Variants in RAD52 observed in about 807,000 individuals in gnomAD.
The protein encoded by RAD52 is DNA repair protein RAD52 homolog.
In RAD52, 47 loss-of-function variants were observed where a neutral mutation model predicts 55.5. The ratio of observed to expected loss-of-function variants is 0.85; its 90% CI spans 0.67 to 1.08. RAD52 has a LOEUF of 1.08. Among genes scored for constraint, RAD52 ranks in the 50% least tolerant of loss-of-function variants. The pLI is 0.00. For missense variants in RAD52, 468 were observed against 522.8 expected (o/e 0.90, Z 1.02); for synonymous variants, 184 against 198.9 (o/e 0.92, Z 0.63).
chr12:970,924 G>A (rs1425179074), intron 1 of RAD52, among the ~76,000 whole-genome samples: 1 of 147,026 alleles, frequency 6.8e-6, no homozygotes, highest in Non-Finnish European at 1.5e-5. Context: ...CGTAGAGAGA[G>A]AGAGACAGGA....
chr12:943,991 G>A (rs1044973023), intron 1 of RAD52, among the ~76,000 whole-genome samples: 2 of 151,812 alleles, frequency 1.3e-5, no homozygotes, highest in African/African-American at 2.4e-5. Flanking sequence ...TGAGGCAGGC[G>A]GATTGCATGA....
At chr12:921,822 T>C (rs1956742162) in intron 7 of RAD52, among the ~76,000 whole-genome samples, 1 of 152,052 alleles carries the variant, frequency 6.6e-6, no homozygotes, top group Admixed American at 6.6e-5. Flanking sequence ...GAAAATATGG[T>C]TGGCTGGGTG....
intron 1 of RAD52, among the ~76,000 whole-genome samples, chr12:965,154 A>G (rs146158338): frequency 6.6e-6 from 1 of 151,568 alleles, no homozygotes; most frequent in African/African-American, 2.4e-5. Context: ...TAATTTTTGT[A>G]TTTTTAGTAG....
chr12:913,545 T>C (rs929932355), intron 11 of RAD52, 93 bp from the exon 12 acceptor site: 115 of 1,022,490 alleles, frequency 1.1e-4, no homozygotes, highest in Middle Eastern at 2.2e-4. Context: ...GATCCTAATT[T>C]AGACTAAGCC....
chr12:971,027 T>C (rs1317006828), intron 1 of RAD52, among the ~76,000 whole-genome samples: 1 of 152,146 alleles, frequency 6.6e-6, no homozygotes, highest in African/African-American at 2.4e-5. Flanking sequence ...TATGTCACCA[T>C]TTTTTTCCAT....
intron 1 of RAD52, among the ~76,000 whole-genome samples, chr12:980,968 T>A (rs76022685): frequency 0.029 from 4,381 of 152,160 alleles, 91 homozygotes; most frequent in South Asian, 0.089. Flanking sequence ...TTTATCCTGA[T>A]CCCAACAGCC....
Position 914,556 on chromosome 12 carries a change from G to C in RAD52, c.866-24C>G, listed in dbSNP as rs1592306364. The C allele has an allele frequency of 5.6e-6, 9 of 1,611,942 alleles. No homozygotes were observed. The East Asian group carries it at 2.0e-4, about 36-fold the overall frequency. On this transcript the variant is annotated intron_variant, in intron 9 of 11. Coordinates refer to ENST00000358495, the MANE Select transcript of RAD52 (RefSeq NM_134424.4). ...TGCTACGGTTCACAGAGGAGAGAAA[G>C]GACAAGTCATCATCACATCACTGCA...
At chr12:970,157 A>G (rs911526558) in intron 1 of RAD52, among the ~76,000 whole-genome samples, 2 of 151,922 alleles carry the variant, frequency 1.3e-5, no homozygotes, top group East Asian at 1.9e-4. Context: ...AAATACAAAA[A>G]TTAGCCGGGT....
At position 934,404 on chromosome 12, in the gene RAD52, A is replaced by G. The variant is rs201900790; in HGVS notation, c.-18-1328T>C. 3.1e-4 allele frequency among the ~76,000 whole-genome samples: 47 copies of G among 149,356 alleles called. No homozygotes were observed. The East Asian group carries it at 7.1e-3, about 23-fold the overall frequency. On this transcript the variant is annotated intron_variant, in intron 1 of 11. Transcript: ENST00000358495. ...CTTGAACCTGGGAGGCAGAGGTTGC[A>G]GTGAGCTGAGATTGTGCCACGGCAC...
At chr12:980,920 A>T (rs1186470871) in intron 1 of RAD52, among the ~76,000 whole-genome samples, 1 of 151,790 alleles carries the variant, frequency 6.6e-6, no homozygotes, top group Non-Finnish European at 1.5e-5. Flanking sequence ...TGTCCTCTGG[A>T]CCCCCAAAGT....
At chr12:931,132 A>T in intron 3 of RAD52, 88 bp downstream of exon 3, 1 of 1,089,316 alleles carries the variant, frequency 9.2e-7, no homozygotes, top group Non-Finnish European at 1.4e-6. Flanking sequence ...CAGACTTCCG[A>T]ATCCCTGAGG....
At position 914,541 on chromosome 12, in the gene RAD52, C is replaced by T. The variant is rs764896241; in HGVS notation, c.866-9G>A. On this transcript the variant is annotated splice_polypyrimidine_tract_variant and intron_variant, in intron 9 of 11. Coordinates refer to ENST00000358495, the MANE Select transcript of RAD52 (RefSeq NM_134424.4). Reference sequence around the variant, plus strand: ...AGGGGCCGGAGGCGCTGCTACGGTTCACAGAGGAGAGAAAGGACAAGTCAT... The same window carrying T: ...AGGGGCCGGAGGCGCTGCTACGGTTTACAGAGGAGAGAAAGGACAAGTCAT... 2 of 1,612,932 alleles carry T rather than the reference C, an allele frequency of 1.2e-6. No individual in the cohort carries two copies. The highest frequency in any genetic ancestry group is 1.7e-6 in the Non-Finnish European group (2 of 1,179,840).
At chr12:966,868 G>A (rs558881871) in intron 1 of RAD52, among the ~76,000 whole-genome samples, 32 of 151,612 alleles carry the variant, frequency 2.1e-4, no homozygotes, top group Non-Finnish European at 4.0e-4. Context: ...CTTTGAACGC[G>A]TAGATATTAT....
At chr12:986,016 CCT>C (rs2154122163) in intron 1 of RAD52, among the ~76,000 whole-genome samples, 1 of 150,584 alleles carries the variant, frequency 6.6e-6, no homozygotes, top group South Asian at 2.1e-4. Flanking sequence ...CTCACTGCAA[CCT>C]CTGCCTCCCA....
In RAD52 at chr12:916,334, C is replaced by T. The variant is rs758450954; in HGVS notation, c.865+10G>A. On this transcript the variant is annotated intron_variant, in intron 9 of 11. Transcript: ENST00000358495. ...CGCCTCCCAGGGCCCTGCTCCCACCCCTCGCTCACCCTCACTCTTCTCAGC... is the reference window on the plus strand; with the variant it reads ...CGCCTCCCAGGGCCCTGCTCCCACCTCTCGCTCACCCTCACTCTTCTCAGC... The T allele has an allele frequency of 3.7e-6, 6 of 1,603,872 alleles. No individual in the cohort carries two copies. In the South Asian group the frequency reaches 5.5e-5, roughly 15 times the overall value.
At position 932,957 on chromosome 12, in the gene RAD52, T is replaced by A; in HGVS notation, c.84+18A>T. On this transcript the variant is annotated intron_variant, in intron 2 of 11. Coordinates refer to ENST00000358495, the MANE Select transcript of RAD52 (RefSeq NM_134424.4). ...CACTTCACCTCATTCTTTCCCGGCA[T>A]GAAGGAACCACAGTTACCTGTCCAA... 1 of 1,613,160 alleles carries A rather than the reference T, an allele frequency of 6.2e-7. No individual in the cohort carries two copies. Among genetic ancestry groups the A allele is most frequent in the Non-Finnish European group, 8.5e-7 (1 of 1,179,430 alleles).
chr12:949,677 G>A lies in RAD52; in HGVS notation c.-94C>T, dbSNP rs1449351638. 2 of 152,218 alleles carry A rather than the reference G, an allele frequency of 1.3e-5. No homozygotes were observed. Among genetic ancestry groups the A allele is most frequent in the African/African-American group, 4.8e-5 (2 of 41,396 alleles). 9.4% of individuals were successfully genotyped at this position (152,218 alleles called of 1,614,324 possible). On this transcript the variant is annotated 5_prime_UTR_variant, in exon 1 of 12. Transcript: ENST00000358495. ...ACAAGGGGAAGAGATCTTAGATGGA[G>A]GCCGCGCAGAGGAGAATGGGAAGGG...
intron 1 of RAD52, among the ~76,000 whole-genome samples, chr12:942,562 C>G (rs551810250): frequency 6.8e-4 from 103 of 152,222 alleles, no homozygotes; most frequent in African/African-American, 2.1e-3. Context: ...ACCTGGCCAA[C>G]CTGGTGAAAC....
intron 1 of RAD52, among the ~76,000 whole-genome samples, chr12:956,546 TTC>T (rs1958608899): frequency 6.6e-6 from 1 of 152,196 alleles, no homozygotes; most frequent in African/African-American, 2.4e-5. Flanking sequence ...GCTAAACACA[TTC>T]TGTTTTGTTT....
Sources: allele counts gnomAD v4.1 joint callset (sites outside exome capture counted in the v4.1 genomes callset), GRCh38; gene constraint gnomAD v4.1.1; transcripts MANE v1.5; gene names NCBI Gene and HGNC (gene_info 2026-07-23, HGNC 2026-07-21).